C4orf51: variants seen among roughly 807,000 people sequenced by gnomAD.
The protein encoded by C4orf51 is uncharacterized protein C4orf51.
C4orf51 carries 25 observed loss-of-function variants against 25.2 expected under a neutral mutation model. That is an observed-to-expected ratio of 0.99 (90% CI 0.72 to 1.39). The LOEUF is 1.39. C4orf51 is among the 40% of genes most tolerant of loss of function. The pLI is 0.00. For synonymous variants in C4orf51, 100 were observed against 84.5 expected, an observed-to-expected ratio of 1.18 and a Z score of -1.01; for missense variants, 252 against 239.6, an observed-to-expected ratio of 1.05 and a Z score of -0.34.
chr4:145,720,117 G>A (rs559024991), intron 2 of C4orf51, among the ~76,000 whole-genome samples: 18 of 152,146 alleles, frequency 1.2e-4, no homozygotes, highest in Non-Finnish European at 2.1e-4. Context: ...AGGTGGATTA[G>A]GGCATGCCTG....
chr4:145,699,480 C>T (rs532938072), intron 2 of C4orf51, among the ~76,000 whole-genome samples: 9 of 152,236 alleles, frequency 5.9e-5, no homozygotes, highest in African/African-American at 1.7e-4. Flanking sequence ...ACCTCTTTCT[C>T]CTTTCAATCT....
chr4:145,684,635 AGT>A (rs1487377313), intron 1 of C4orf51, among the ~76,000 whole-genome samples: 1 of 152,230 alleles, frequency 6.6e-6, no homozygotes, highest in Non-Finnish European at 1.5e-5. Context: ...TAGGTTCATC[AGT>A]TGTAACAAAT....
At chr4:145,756,710 C>G (rs1299062143), downstream of C4orf51, among the ~76,000 whole-genome samples, 1 of 152,100 alleles carries the variant, frequency 6.6e-6, no homozygotes. Context: ...CAATAAACAC[C>G]AGCCACCTCA....
intron 1 of C4orf51, among the ~76,000 whole-genome samples, chr4:145,740,233 C>G (rs1337070152): frequency 8.3e-6 from 1 of 119,888 alleles, no homozygotes; most frequent in African/African-American, 3.4e-5. Context: ...CTATCTCTCC[C>G]TTTCTGCAAA....
chr4:145,755,187 CTTAGAGATCAT>C (rs1231401076), downstream of C4orf51, among the ~76,000 whole-genome samples: 1 of 152,120 alleles, frequency 6.6e-6, no homozygotes, highest in African/African-American at 2.4e-5. Flanking sequence ...GGGAAGGGGC[CTTAGAGATCAT>C]TTAGTTCAGC....
chr4:145,735,902 G>T (rs1290961465), downstream of C4orf51, among the ~76,000 whole-genome samples: 1 of 152,132 alleles, frequency 6.6e-6, no homozygotes, highest in African/African-American at 2.4e-5. Flanking sequence ...GAGAGAATGG[G>T]CTCATTCAAT....
chr4:145,709,074 A>C (rs187772070), intron 2 of C4orf51, among the ~76,000 whole-genome samples: 1 of 152,168 alleles, frequency 6.6e-6, no homozygotes, highest in Non-Finnish European at 1.5e-5. Context: ...TATGCTCACA[A>C]AAACAGCAAC....
chr4:145,742,603 G>A (rs6853607), intron 1 of C4orf51, among the ~76,000 whole-genome samples: 31,751 of 138,524 alleles, frequency 0.23, 4,234 homozygotes, highest in East Asian at 0.69. Flanking sequence ...GCAGTGGCAC[G>A]ATCTCAGCTC....
At chr4:145,736,209 C>T (rs1579013646), downstream of C4orf51, among the ~76,000 whole-genome samples, 2 of 151,678 alleles carry the variant, frequency 1.3e-5, no homozygotes, top group East Asian at 1.9e-4. Flanking sequence ...TTATAGCATT[C>T]CTATATTCAG....
chr4:145,772,564 G>T (rs1489428379), downstream of C4orf51, among the ~76,000 whole-genome samples: 1 of 152,136 alleles, frequency 6.6e-6, no homozygotes, highest in Non-Finnish European at 1.5e-5. Context: ...CCACTCATTT[G>T]CATATTGTCT....
At chr4:145,779,395 G>T in the C4orf51 span, 1 of 1,613,986 alleles carries the variant, frequency 6.2e-7, no homozygotes, top group Non-Finnish European at 8.5e-7. Context: ...GAGAGGTGTC[G>T]GGACAATGTC....
At chr4:145,741,931 C>T (rs368515822) in intron 1 of C4orf51, among the ~76,000 whole-genome samples, 2 of 152,130 alleles carry the variant, frequency 1.3e-5, no homozygotes, top group East Asian at 3.9e-4. Flanking sequence ...AAACTCCTGA[C>T]TTCAAGTGAT....
At chr4:145,733,872 A>G (rs565167852), downstream of C4orf51, among the ~76,000 whole-genome samples, 1 of 152,264 alleles carries the variant, frequency 6.6e-6, no homozygotes, top group East Asian at 1.9e-4. Context: ...GAAGGAGAGA[A>G]AGGCCTCTGT....
At chr4:145,769,076 C>G (rs1333298345) in intron 1 of C4orf51, among the ~76,000 whole-genome samples, 1 of 149,964 alleles carries the variant, frequency 6.7e-6, no homozygotes, top group Non-Finnish European at 1.5e-5. Flanking sequence ...AAATATGTAC[C>G]CACTTACAAT....
rs952975995 is a variant in C4orf51 at position 145,761,932 on chromosome 4, G to A, written n.167-9056G>A. ...TGGTGCTCCCCTCCAGCCCCCGCCC[G>A]GCCCCTCGGAGCCCTCCCCACTCCC... On this transcript the variant is annotated intron_variant and non_coding_transcript_variant, in intron 1 of 1. Transcript: ENST00000510096. The surrounding 1 kb of genome is among the most constrained non-coding windows in gnomAD (Gnocchi z 6.8). 6.8e-6 allele frequency among the ~76,000 whole-genome samples: 1 copy of A among 147,346 alleles called. No individual in the cohort carries two copies. The highest frequency in any genetic ancestry group is 1.5e-5 in the Non-Finnish European group (1 of 66,804).
chr4:145,705,552 G>A (rs1730754934), intron 2 of C4orf51, among the ~76,000 whole-genome samples: 2 of 152,138 alleles, frequency 1.3e-5, no homozygotes, highest in African/African-American at 4.8e-5. Flanking sequence ...TGACAGGGAG[G>A]GGTGGTAGTG....
intron 1 of C4orf51, among the ~76,000 whole-genome samples, chr4:145,737,822 A>G (rs941708374): frequency 2.6e-5 from 4 of 152,142 alleles, no homozygotes; most frequent in African/African-American, 9.7e-5. Context: ...TTTCACCTCA[A>G]TGCTCTGGAG....
intron 2 of C4orf51, among the ~76,000 whole-genome samples, chr4:145,721,344 C>CA (rs11299166): frequency 0.3 from 31,805 of 107,142 alleles, 4,305 homozygotes; most frequent in African/African-American, 0.37. Flanking sequence ...GACTCTGTCT[C>CA]AAAAAAAAAA....
chr4:145,750,257 C>G (rs1261852357), intron 1 of C4orf51, among the ~76,000 whole-genome samples: 1 of 151,916 alleles, frequency 6.6e-6, no homozygotes, highest in Admixed American at 6.6e-5. Flanking sequence ...TGCTCATTAA[C>G]ATCCTTTTTT....
Sources: allele counts gnomAD v4.1 joint callset (sites outside exome capture counted in the v4.1 genomes callset), GRCh38; gene constraint gnomAD v4.1.1; non-coding constraint Gnocchi (gnomAD v3.1); transcripts MANE v1.5; gene names NCBI Gene and HGNC (gene_info 2026-07-23, HGNC 2026-07-21).